The following CNTNAP3B variants were observed in gnomAD, a reference collection of about 807,000 sequenced individuals.
CNTNAP3B encodes the protein contactin associated protein family member 3B, also known as contactin-associated protein-like 3B.
CNTNAP3B carries 25 observed loss-of-function variants against 108.9 expected under a neutral mutation model. That is an observed-to-expected ratio of 0.23 (90% CI 0.17 to 0.32). The LOEUF is 0.32. CNTNAP3B is among the 10% of genes least tolerant of loss of function. The pLI is 1.00. For missense variants in CNTNAP3B, 252 were observed against 1,210.4 expected, an observed-to-expected ratio of 0.21 and a Z score of 11.75; for synonymous variants, 103 against 473.4, an observed-to-expected ratio of 0.22 and a Z score of 10.16.
chr9:41,953,195 G>T lies in CNTNAP3B; in HGVS notation c.2068C>A (p.Pro690Thr), dbSNP rs1482391205. ...LALRCGTARRPDSRDGTPLSW... is the reference protein window; with the variant it reads ...LALRCGTARRTDSRDGTPLSW... ...CAGTGGCGCTTACCTCGTGAGTCCG[G>T]GCGCCGCGCTGTCCCGCAGCGCAGA... The change falls in exon 13 of 24, where the codon CCG (proline) becomes ACG (threonine). Residue 690 changes from proline to threonine, a missense_variant. Transcript: ENST00000377561. 3.3e-6 allele frequency: 5 copies of T among 1,523,256 alleles called. No homozygotes were observed. Among genetic ancestry groups the T allele is most frequent in the Non-Finnish European group, 4.4e-6 (5 of 1,144,960 alleles). 94.4% of individuals were successfully genotyped at this position (1,523,256 alleles called of 1,614,324 possible). A position where few individuals can be genotyped will look rare whatever the true frequency, so the allele number is the denominator to read the frequency against.
At chr9:41,931,223 G>T (rs1823968892) in intron 14 of CNTNAP3B, among the ~76,000 whole-genome samples, 2 of 152,278 alleles carry the variant, frequency 1.3e-5, no homozygotes, top group South Asian at 4.1e-4. Context: ...TACATATACT[G>T]GGGGCACATG....
At chr9:42,087,296 A>G (rs1491003973) in intron 2 of CNTNAP3B, among the ~76,000 whole-genome samples, 2 of 135,850 alleles carry the variant, frequency 1.5e-5, no homozygotes, top group Admixed American at 7.3e-5. Flanking sequence ...AGCAGCTTGC[A>G]CTCCTACATG....
At chr9:41,943,398 G>A (rs1284028982) in intron 13 of CNTNAP3B, among the ~76,000 whole-genome samples, 1 of 147,036 alleles carries the variant, frequency 6.8e-6, no homozygotes, top group African/African-American at 2.5e-5. Flanking sequence ...TGTCGCTCAG[G>A]CTGGAGTGCA....
chr9:41,921,084 G>A (rs1168740153), intron 17 of CNTNAP3B, among the ~76,000 whole-genome samples: 1 of 152,310 alleles, frequency 6.6e-6, no homozygotes, highest in African/African-American at 2.4e-5. Flanking sequence ...CCTCCTCCCA[G>A]AGATTCCAAT....
intron 11 of CNTNAP3B, among the ~76,000 whole-genome samples, chr9:41,963,622 T>C (rs1171465846): frequency 6.6e-6 from 1 of 151,608 alleles, no homozygotes; most frequent in African/African-American, 2.4e-5. Context: ...CGGGGCCCCA[T>C]CTCCAGCGAT....
chr9:41,916,718 C>T (rs1278933362), intron 18 of CNTNAP3B, among the ~76,000 whole-genome samples: 1 of 145,362 alleles, frequency 6.9e-6, no homozygotes, highest in Non-Finnish European at 1.5e-5. Context: ...TTGTTAGGAA[C>T]ATTCCAGTTC....
At chr9:41,927,786 T>A (rs1490826118) in intron 15 of CNTNAP3B, among the ~76,000 whole-genome samples, 232 of 149,152 alleles carry the variant, frequency 1.6e-3, no homozygotes, top group African/African-American at 5.5e-3. Context: ...TATCTGGAAA[T>A]GGAGAACACA....
rs1294449207 is a variant in CNTNAP3B, at chr9:42,064,571, TAAAC to T, written c.390+12294_390+12297del. Among the ~76,000 whole-genome samples the T allele has an allele frequency of 1.0e-4, 11 of 107,232 alleles. 2 individuals carry two copies. The East Asian group carries it at 1.8e-3, about 18-fold the overall frequency. 70.3% of individuals were successfully genotyped at this position (107,232 alleles called of 152,430 possible). On this transcript the variant is annotated intron_variant, in intron 3 of 23. Coordinates refer to ENST00000377561, the MANE Select transcript of CNTNAP3B (RefSeq NM_001201380.3). ...ATGATCCCTTCACCCAGATACTAAC[TAAAC>T]AGTTACTTTTTCAACCACTGTCCCA...
At chr9:41,954,157 C>T (rs1406365737) in intron 12 of CNTNAP3B, among the ~76,000 whole-genome samples, 28 of 152,358 alleles carry the variant, frequency 1.8e-4, no homozygotes, top group African/African-American at 6.7e-4. Context: ...GTCCTTTAAC[C>T]TCTAATAAGA....
At position 42,093,213 on chromosome 9, in the gene CNTNAP3B, C is replaced by T. The variant is rs543332522; in HGVS notation, c.196+11416G>A. On this transcript the variant is annotated intron_variant, in intron 2 of 23. Coordinates refer to ENST00000377561, the MANE Select transcript of CNTNAP3B (RefSeq NM_001201380.3). The stretch of plus-strand genomic sequence containing the variant: ...ACAAAAAATTAGCCAGGCGTGGTGG[C>T]GCGACCCTGTAATCCCAGTTACTCA... Among the ~76,000 whole-genome samples the T allele has an allele frequency of 7.4e-5, 7 of 94,058 alleles. 1 individual carries two copies. The highest frequency in any genetic ancestry group is 2.2e-4 in the Admixed American group (2 of 9,052). 61.7% of individuals were successfully genotyped at this position (94,058 alleles called of 152,430 possible).
rs867018324 is a variant in CNTNAP3B at position 41,926,032 on chromosome 9, A to T, written c.2366-1939T>A. Reference sequence around the variant, plus strand: ...ATTTGTATCTCTCTCTCTCTCTCTCACACACACATACACACACGCAGTCTC... The same window carrying T: ...ATTTGTATCTCTCTCTCTCTCTCTCTCACACACATACACACACGCAGTCTC... On this transcript the variant is annotated intron_variant, in intron 15 of 23. Transcript: ENST00000377561. 3.3e-4 allele frequency among the ~76,000 whole-genome samples: 51 copies of T among 152,284 alleles called. No homozygotes were observed. In the East Asian group the frequency reaches 5.6e-3, roughly 17 times the overall value.
At chr9:42,018,748 C>T (rs928403409) in intron 3 of CNTNAP3B, among the ~76,000 whole-genome samples, 2 of 151,688 alleles carry the variant, frequency 1.3e-5, no homozygotes, top group African/African-American at 2.4e-5. Flanking sequence ...GGCTGCGAAG[C>T]TGGAGAGACC....
At chr9:41,960,475 A>AT (rs1825045483) in intron 12 of CNTNAP3B, among the ~76,000 whole-genome samples, 1 of 152,138 alleles carries the variant, frequency 6.6e-6, no homozygotes, top group South Asian at 2.1e-4. Context: ...TACAGAAAGC[A>AT]TGTAAATCAC....
At chr9:41,924,656 C>CACACATAT (rs1823761092) in intron 15 of CNTNAP3B, among the ~76,000 whole-genome samples, 48 of 29,150 alleles carry the variant, frequency 1.6e-3, no homozygotes, top group Non-Finnish European at 1.9e-3. Flanking sequence ...CACACACACA[C>CACACATAT]ACACACACAC....
intron 14 of CNTNAP3B, among the ~76,000 whole-genome samples, chr9:41,934,106 T>TATATATATATATATATAA: frequency 7.6e-6 from 1 of 132,408 alleles, no homozygotes; most frequent in South Asian, 2.3e-4. Flanking sequence ...GTTACATATA[T>TATATATATATATATATAA]ATATATATAT....
At chr9:41,921,033 C>G (rs1399721636) in intron 17 of CNTNAP3B, among the ~76,000 whole-genome samples, 2 of 152,296 alleles carry the variant, frequency 1.3e-5, no homozygotes, top group Non-Finnish European at 2.9e-5. Flanking sequence ...ATGTTAGGAG[C>G]ATGGAAATTA....
chr9:42,001,458 C>T (rs1370870484), intron 4 of CNTNAP3B, among the ~76,000 whole-genome samples: 1 of 134,042 alleles, frequency 7.5e-6, no homozygotes, highest in African/African-American at 3.0e-5. Context: ...GCAAATATTC[C>T]CCTACAATAT....
rs1470650855 is a variant in CNTNAP3B, at chr9:41,924,088, A to C, written c.2371T>G (p.Phe791Val). 6.2e-7 allele frequency: 1 copy of C among 1,612,012 alleles called. No individual in the cohort carries two copies. The highest frequency in any genetic ancestry group is 1.3e-5 in the African/African-American group (1 of 74,894). ...GTGTTGAAGGAAGCTGAATTCCAAAATGACTCTGTTTACAATAGAGAAAAC... is the reference window on the plus strand; with the variant it reads ...GTGTTGAAGGAAGCTGAATTCCAAACTGACTCTGTTTACAATAGAGAAAAC... ...GPLLCRGDKS[F>V]WNSASFNTET... Residue 791 changes from phenylalanine to valine, a missense_variant, in exon 16 of 24, where the codon TTT becomes GTT. Phe to Val is a conservative substitution (Grantham distance 50, BLOSUM62 -1). Transcript: ENST00000377561.
chr9:41,958,376 T>C (rs868673239), intron 12 of CNTNAP3B, among the ~76,000 whole-genome samples: 458 of 151,888 alleles, frequency 3.0e-3, no homozygotes, highest in Middle Eastern at 6.8e-3. Flanking sequence ...TCAAAACTGG[T>C]CTAAGGCTAT....
Sources: gnomAD v4.1 joint callset for allele counts (sites outside exome capture counted in the v4.1 genomes callset) on GRCh38, gnomAD v4.1.1 for gene constraint, MANE v1.5 for transcripts, NCBI Gene and HGNC (gene_info 2026-07-23, HGNC 2026-07-21) for gene names.